SGCD: variants seen among roughly 807,000 people sequenced by gnomAD.
The protein encoded by SGCD is sarcoglycan delta.
A neutral mutation model predicts 36.6 loss-of-function variants in SGCD; 18 were observed. That is an observed-to-expected ratio of 0.49 (90% CI 0.34 to 0.73). The LOEUF is 0.73. Ranked by LOEUF, SGCD falls within the 30% of genes least tolerant of loss-of-function variation. The probability of loss-of-function intolerance (pLI) is 0.01; values close to 1 mark genes in which losing one functional copy is unlikely to be tolerated. For synonymous variants in SGCD, 133 were observed against 130.6 expected, an observed-to-expected ratio of 1.02 and a Z score of -0.12; for missense variants, 387 against 346.7, an observed-to-expected ratio of 1.12 and a Z score of -0.92.
At chr5:156,117,399 C>T (rs1438678740) in intron 1 of SGCD, among the ~76,000 whole-genome samples, 3 of 152,116 alleles carry the variant, frequency 2.0e-5, no homozygotes, top group Non-Finnish European at 2.9e-5. Context: ...CATTGAACTT[C>T]AACCCAGCTC....
chr5:156,076,583 G>A (rs937625449), intron 1 of SGCD, among the ~76,000 whole-genome samples: 1 of 152,142 alleles, frequency 6.6e-6, no homozygotes, highest in African/African-American at 2.4e-5. Context: ...TTGTTAGCTA[G>A]CTATGGGATG....
intron 4 of SGCD, among the ~76,000 whole-genome samples, chr5:156,567,682 A>G (rs1759551325): frequency 6.6e-6 from 1 of 152,182 alleles, no homozygotes; most frequent in Admixed American, 6.5e-5. Flanking sequence ...TCTCACCCAA[A>G]AATATGCTCA....
intron 3 of SGCD, among the ~76,000 whole-genome samples, chr5:156,225,729 A>G (rs1193750766): frequency 3.3e-5 from 5 of 152,150 alleles, no homozygotes. Context: ...ATAAGAATGA[A>G]TACTTACTGA....
chr5:156,386,946 A>G (rs893610061), intron 3 of SGCD, among the ~76,000 whole-genome samples: 6 of 152,178 alleles, frequency 3.9e-5, no homozygotes, highest in Non-Finnish European at 8.8e-5. Context: ...TTGTGGGGAG[A>G]GTACACACCA....
chr5:156,387,703 GA>G (rs369281834), intron 3 of SGCD, among the ~76,000 whole-genome samples: 16 of 152,202 alleles, frequency 1.1e-4, no homozygotes, highest in African/African-American at 3.9e-4. Flanking sequence ...ATGTTGGGAA[GA>G]AAATGCATTT....
chr5:155,755,326 A>G, the SGCD span, among the ~76,000 whole-genome samples: 1 of 152,182 alleles, frequency 6.6e-6, no homozygotes, highest in Non-Finnish European at 1.5e-5. Context: ...CAAAAATAAC[A>G]TTTTCATAAC....
At chr5:155,931,123 G>T (rs911669281) in intron 1 of SGCD, among the ~76,000 whole-genome samples, 1 of 152,044 alleles carries the variant, frequency 6.6e-6, no homozygotes, top group Non-Finnish European at 1.5e-5. Flanking sequence ...TATGGTATTT[G>T]AACCAAGTCA....
At chr5:156,677,278 A>G (rs557744173) in intron 7 of SGCD, among the ~76,000 whole-genome samples, 31 of 152,350 alleles carry the variant, frequency 2.0e-4, no homozygotes, top group East Asian at 1.7e-3. Context: ...AGGTCCATCA[A>G]TGATAGACTG....
the SGCD span, among the ~76,000 whole-genome samples, chr5:155,775,003 A>C: frequency 6.6e-6 from 1 of 152,134 alleles, no homozygotes; most frequent in Middle Eastern, 3.2e-3. Context: ...TTGCATCTAA[A>C]TGCTTTTGAA....
chr5:155,941,795 GA>G (rs1050384480), intron 1 of SGCD, among the ~76,000 whole-genome samples: 2 of 151,994 alleles, frequency 1.3e-5, no homozygotes, highest in Non-Finnish European at 2.9e-5. Context: ...ATTAATTGAT[GA>G]AAAAAGTCAA....
At chr5:156,720,052 C>T (rs1755419417) in intron 7 of SGCD, among the ~76,000 whole-genome samples, 2 of 152,176 alleles carry the variant, frequency 1.3e-5, no homozygotes, top group African/African-American at 4.8e-5. Flanking sequence ...CCCAGAAGCT[C>T]TACCCCTGCC....
At chr5:156,285,954 A>G (rs1766584785) in intron 3 of SGCD, among the ~76,000 whole-genome samples, 1 of 152,240 alleles carries the variant, frequency 6.6e-6, no homozygotes, top group Admixed American at 6.5e-5. Context: ...CAGAATCTAC[A>G]ATGAACTCCA....
chr5:156,670,420 G>A (rs953244231), intron 7 of SGCD, among the ~76,000 whole-genome samples: 6 of 152,134 alleles, frequency 3.9e-5, no homozygotes, highest in Non-Finnish European at 8.8e-5. Flanking sequence ...GGTATATTCT[G>A]TTATTCTTCA....
At chr5:156,749,418 A>C (rs1452805817) in intron 7 of SGCD, among the ~76,000 whole-genome samples, 1 of 152,164 alleles carries the variant, frequency 6.6e-6, no homozygotes, top group Non-Finnish European at 1.5e-5. Flanking sequence ...AAGACAGATA[A>C]ATTTATGAAC....
At chr5:155,793,969 A>AAGAG in the SGCD span, among the ~76,000 whole-genome samples, 5 of 151,100 alleles carry the variant, frequency 3.3e-5, no homozygotes, top group Non-Finnish European at 5.9e-5. Flanking sequence ...AAAAAAAAAA[A>AAGAG]AGAGAGAGAA....
intron 3 of SGCD, among the ~76,000 whole-genome samples, chr5:156,215,902 T>C (rs1764558942): frequency 6.6e-6 from 1 of 152,196 alleles, no homozygotes; most frequent in South Asian, 2.1e-4. Flanking sequence ...CATTGTAGTA[T>C]TATTCACAAC....
chr5:156,683,586 CAAA>C (rs1375858351), intron 7 of SGCD, among the ~76,000 whole-genome samples: 1 of 152,042 alleles, frequency 6.6e-6, no homozygotes, highest in East Asian at 1.9e-4. Flanking sequence ...CTTTATCAGA[CAAA>C]AACAAAAAAC....
intron 7 of SGCD, among the ~76,000 whole-genome samples, chr5:156,711,729 A>C (rs944384687): frequency 3.3e-5 from 5 of 152,102 alleles, no homozygotes; most frequent in African/African-American, 1.2e-4. Context: ...CTCTCTGTAG[A>C]GGTGTTATAG....
intron 4 of SGCD, among the ~76,000 whole-genome samples, chr5:156,556,923 T>C (rs1290805661): frequency 1.3e-5 from 2 of 152,194 alleles, no homozygotes; most frequent in African/African-American, 2.4e-5. Flanking sequence ...CATGATAATT[T>C]CTACTGTTTG....
Sources: allele counts gnomAD v4.1 joint callset (sites outside exome capture counted in the v4.1 genomes callset), GRCh38; gene constraint gnomAD v4.1.1; transcripts MANE v1.5; gene names NCBI Gene and HGNC (gene_info 2026-07-23, HGNC 2026-07-21).